Variants in PAPPA2 observed in about 807,000 individuals in gnomAD.
PAPPA2 encodes the protein pappalysin 2.
PAPPA2 carries 86 observed loss-of-function variants against 176.4 expected under a neutral mutation model. The observed-to-expected ratio is 0.49, with a 90% CI of 0.41 to 0.58. PAPPA2 has a LOEUF of 0.58. PAPPA2 is among the 20% of genes least tolerant of loss of function. The probability of loss-of-function intolerance (pLI) is 0.00; values close to 1 mark genes in which losing one functional copy is unlikely to be tolerated. For synonymous variants in PAPPA2, 809 were observed against 852.2 expected (o/e 0.95, Z 0.88); for missense variants, 2,073 against 2,256.9 (o/e 0.92, Z 1.65).
intron 15 of PAPPA2, among the ~76,000 whole-genome samples, chr1:176,766,182 A>G (rs1312652923): frequency 3.3e-5 from 5 of 152,190 alleles, no homozygotes; most frequent in Non-Finnish European, 5.9e-5. Context: ...ACTGGTTGTA[A>G]TCAGCATGTC....
intron 21 of PAPPA2, among the ~76,000 whole-genome samples, chr1:176,824,649 GGTTTGGAA>G (rs896771306): frequency 6.6e-6 from 1 of 152,086 alleles, no homozygotes. Flanking sequence ...TTTGCCTGCC[GGTTTGGAA>G]GTTTAAAATA....
rs374197861 is a variant in PAPPA2 at position 176,702,665 on chromosome 1, C to T, written c.3295C>T (p.Leu1099=). The T allele has an allele frequency of 2.9e-5, 46 of 1,613,606 alleles. No individual in the cohort carries two copies. Among genetic ancestry groups the T allele is most frequent in the Non-Finnish European group, 3.9e-5 (46 of 1,179,944 alleles). Residue 1099 remains leucine, a synonymous_variant, in exon 9 of 23, where the codon CTG becomes TTG. Transcript: ENST00000367662. ...YQVLAEAGGE[L]GEASPPLNHI... ...AGTTCTAGCTGAAGCTGGAGGAGAA[C>T]TGGGAGAAGCTTCGCCTCCTCTGAA...
At chr1:176,797,640 C>A (rs1464466800) in intron 20 of PAPPA2, among the ~76,000 whole-genome samples, 2 of 151,446 alleles carry the variant, frequency 1.3e-5, no homozygotes, top group Non-Finnish European at 2.9e-5. Context: ...GAGACTGTCT[C>A]AAAAAATATA....
chr1:176,779,505 CACACACACACACACAG>C lies in PAPPA2; in HGVS notation c.4715+8327_4715+8342del, dbSNP rs1332387635. ...ACACACACACACACACACACACACACACACACACACACACAGAGAGAGAGAGAGAGAGAGAGGAGTG... is the reference window on the plus strand; with the variant it reads ...ACACACACACACACACACACACACACAGAGAGAGAGAGAGAGAGAGGAGTG... On this transcript the variant is annotated intron_variant, in intron 17 of 22. Transcript: ENST00000367662. Among the ~76,000 whole-genome samples the C allele has an allele frequency of 6.1e-4, 91 of 149,372 alleles. No homozygotes were observed. The Middle Eastern group carries it at 0.021, about 34-fold the overall frequency.
At position 176,594,830 on chromosome 1, in the gene PAPPA2, G is replaced by A. The variant is rs773557155; in HGVS notation, c.1226G>A (p.Gly409Glu). ...GCATCTTGCCGCTCTTTGCTCCTGG[G>A]GGGAGACAGCTCTGAGGATGGGCAC... ...FMASCRSLLL[G>E]GDSSEDGHYF... is the part of the protein sequence containing the mutation. The change falls in exon 3 of 23, where the codon GGG becomes GAG. Residue 409 changes from glycine to glutamate, a missense_variant. Physicochemically the swap from Gly to Glu is moderately conservative, Grantham distance 98. This residue lies in a region of PAPPA2 where 1,196 missense variants were observed against 1,330.4 expected (regional missense o/e 0.90). Transcript: ENST00000367662. The A allele has an allele frequency of 2.5e-6, 4 of 1,614,228 alleles. No homozygotes were observed. Among genetic ancestry groups the A allele is most frequent in the Non-Finnish European group, 3.4e-6 (4 of 1,180,036 alleles).
chr1:176,469,022 T>C (rs1475889794), intron 1 of PAPPA2, among the ~76,000 whole-genome samples: 1 of 152,232 alleles, frequency 6.6e-6, no homozygotes, highest in East Asian at 1.9e-4. Flanking sequence ...AATTTCCAAC[T>C]TCAAGCTCTG....
chr1:176,654,407 A>G (rs1657911995), intron 3 of PAPPA2, among the ~76,000 whole-genome samples: 1 of 150,286 alleles, frequency 6.7e-6, no homozygotes, highest in African/African-American at 2.4e-5. Flanking sequence ...TGTCCCATTG[A>G]TATATGAGTC....
In PAPPA2 at chr1:176,793,593, C is replaced by T. The variant is rs1459689646; in HGVS notation, c.5054C>T (p.Pro1685Leu). 2 of 1,613,000 alleles carry T rather than the reference C, an allele frequency of 1.2e-6. No individual in the cohort carries two copies. ...TGTTCCCCATTGTGTGTAATCCCCC[C>T]CAGTGACCCCGTGATGCTACCTGAG... ...AVCSPLCVIPPSDPVMLPENI... is the reference protein window; with the variant it reads ...AVCSPLCVIPLSDPVMLPENI... Residue 1685 changes from proline (P) to leucine (L), a missense_variant, in exon 20 of 23, where the codon CCC becomes CTC. Pro to Leu is a moderately conservative substitution (Grantham distance 98, BLOSUM62 -3). Around this residue, in one of 4 missense-constraint regions of PAPPA2, gnomAD observed 846 missense variants for 857.9 expected, o/e 0.99. Transcript: ENST00000367662.
chr1:176,726,684 G>A (rs992450347), intron 12 of PAPPA2, among the ~76,000 whole-genome samples: 15 of 152,152 alleles, frequency 9.9e-5, no homozygotes, highest in African/African-American at 3.1e-4. Context: ...TCACATCAAA[G>A]GGAATTTTTC....
At chr1:176,825,483 G>A (rs142669280) in intron 21 of PAPPA2, among the ~76,000 whole-genome samples, 3 of 152,060 alleles carry the variant, frequency 2.0e-5, no homozygotes, top group Admixed American at 6.6e-5. Context: ...GTATGTCAGC[G>A]GCTTTCCAGA....
At chr1:176,632,508 G>A (rs1441763505) in intron 3 of PAPPA2, among the ~76,000 whole-genome samples, 1 of 151,884 alleles carries the variant, frequency 6.6e-6, no homozygotes, top group Admixed American at 6.6e-5. Context: ...CAGCCTGGGC[G>A]ACAGAGAGAA....
chr1:176,483,236 G>A (rs982687823), intron 1 of PAPPA2, among the ~76,000 whole-genome samples: 5 of 152,078 alleles, frequency 3.3e-5, no homozygotes, highest in Admixed American at 6.5e-5. Flanking sequence ...ATCAGTCAGC[G>A]CCCAATCAGA....
intron 1 of PAPPA2, among the ~76,000 whole-genome samples, chr1:176,485,640 A>G (rs746650459): frequency 6.6e-6 from 1 of 152,218 alleles, no homozygotes; most frequent in African/African-American, 2.4e-5. Flanking sequence ...ACTGAAATAC[A>G]TAGATATAAG....
Position 176,771,099 on chromosome 1 carries a change from A to G in PAPPA2, c.4634A>G (p.Asn1545Ser). ...CTCCTGCCTCACTGCCTCCAGGACAACCACGACGTGGGCACCATCTGCAAA... is the reference window on the plus strand; with the variant it reads ...CTCCTGCCTCACTGCCTCCAGGACAGCCACGACGTGGGCACCATCTGCAAA... ...NLLLPHCLQDNHDVGTICKYE... is the reference protein window; with the variant it reads ...NLLLPHCLQDSHDVGTICKYE... The change falls in exon 17 of 23, where the codon AAC becomes AGC. Residue 1545 changes from asparagine (N) to serine (S), a missense_variant. Physicochemically the swap from Asn to Ser is conservative, Grantham distance 46. Coordinates refer to ENST00000367662, the MANE Select transcript of PAPPA2 (RefSeq NM_020318.3). The G allele has an allele frequency of 1.2e-6, 2 of 1,614,172 alleles. No homozygotes were observed. The highest frequency in any genetic ancestry group is 1.3e-5 in the African/African-American group (1 of 75,038).
In PAPPA2 at chr1:176,799,943, G is replaced by A. The variant is rs185674056; in HGVS notation, c.5131-118G>A. On this transcript the variant is annotated intron_variant, in intron 20 of 22. Coordinates refer to ENST00000367662, the MANE Select transcript of PAPPA2 (RefSeq NM_020318.3). ...CAATCCACTTTATGGGACACAATTA[G>A]AAACTAGCTGCTTGAGAAATGGAGT... 3.0e-4 allele frequency: 307 copies of A among 1,009,090 alleles called. No individual in the cohort carries two copies. In the African/African-American group the frequency reaches 4.4e-3, roughly 14 times the overall value. The allele number at this position is 1,009,090 out of a possible 1,614,324, so 62.5% of individuals were successfully genotyped here. A position where few individuals can be genotyped will look rare whatever the true frequency, so the allele number is the denominator to read the frequency against.
At chr1:176,633,567 A>G (rs970599402) in intron 3 of PAPPA2, among the ~76,000 whole-genome samples, 1 of 152,204 alleles carries the variant, frequency 6.6e-6, no homozygotes, top group African/African-American at 2.4e-5. Context: ...ATAAGAAAAT[A>G]CCATTACCCA....
At chr1:176,621,845 A>G (rs1655618657) in intron 3 of PAPPA2, among the ~76,000 whole-genome samples, 1 of 152,172 alleles carries the variant, frequency 6.6e-6, no homozygotes, top group Non-Finnish European at 1.5e-5. Flanking sequence ...AACACTTCAT[A>G]TGAATTATAG....
chr1:176,568,506 A>G (rs1445335119), intron 2 of PAPPA2, among the ~76,000 whole-genome samples: 1 of 152,240 alleles, frequency 6.6e-6, no homozygotes, highest in Non-Finnish European at 1.5e-5. Context: ...ATTTGTCCTG[A>G]GAGTTCTTTT....
At chr1:176,820,486 C>T (rs1011597712) in intron 21 of PAPPA2, among the ~76,000 whole-genome samples, 2 of 152,182 alleles carry the variant, frequency 1.3e-5, no homozygotes, top group Non-Finnish European at 2.9e-5. Flanking sequence ...CCATGATCAG[C>T]CTTCCTGAAG....
Sources: gnomAD v4.1 joint callset for allele counts (sites outside exome capture counted in the v4.1 genomes callset) on GRCh38, gnomAD v4.1.1 for gene constraint, gnomAD v4.1.1 regional missense constraint, MANE v1.5 for transcripts, NCBI Gene and HGNC (gene_info 2026-07-23, HGNC 2026-07-21) for gene names.